Variants in TMEM37 observed in about 807,000 individuals in gnomAD.
The protein encoded by TMEM37 is transmembrane protein 37, also known as voltage-dependent calcium channel gamma-like subunit.
A neutral mutation model predicts 11.0 loss-of-function variants in TMEM37; 12 were observed. The observed-to-expected ratio is 1.09, with a 90% CI of 0.70 to 1.76. The LOEUF is 1.76. Ranked by LOEUF, TMEM37 falls within the 40% of genes most tolerant of loss-of-function variation. The pLI, the probability that TMEM37 is intolerant of heterozygous loss-of-function variation, is 0.00. For synonymous variants in TMEM37, 127 were observed against 110.5 expected, an observed-to-expected ratio of 1.15 and a Z score of -0.94; for missense variants, 203 against 251.2, an observed-to-expected ratio of 0.81 and a Z score of 1.30.
Position 119,437,216 on chromosome 2 carries a change from GACAA to G in TMEM37, c.353_356del (p.Lys118ThrfsTer28). ...CCTCATGGTGTCCCAGTTGTGCGAG[GACAA>G]ACACTCACAGTGCAAGTGGGTCATG... is the stretch of plus-strand genomic sequence containing the variant. On this transcript the variant is annotated frameshift_variant, in exon 2 of 2. Coordinates refer to ENST00000306406, the MANE Select transcript of TMEM37 (RefSeq NM_183240.3). LOFTEE classifies it high-confidence loss of function. 1 of 1,614,236 alleles carries G rather than the reference GACAA, an allele frequency of 6.2e-7. No individual in the cohort carries two copies.
At chr2:119,430,874 T>A (rs930643575), upstream of TMEM37, among the ~76,000 whole-genome samples, 2 of 152,206 alleles carry the variant, frequency 1.3e-5, no homozygotes, top group African/African-American at 4.8e-5. Context: ...CGGTGGCTCA[T>A]GCCTGTAATC....
chr2:119,430,984 CAA>C (rs1201773758), upstream of TMEM37, among the ~76,000 whole-genome samples: 2 of 152,092 alleles, frequency 1.3e-5, no homozygotes, highest in Non-Finnish European at 2.9e-5. Flanking sequence ...CTAAAAAATA[CAA>C]AAATTAGCAG....
At chr2:119,432,732 G>T (rs368134769) in intron 1 of TMEM37, among the ~76,000 whole-genome samples, 1 of 152,092 alleles carries the variant, frequency 6.6e-6, no homozygotes, top group Non-Finnish European at 1.5e-5. Context: ...GTGTACAAAC[G>T]CTCAGCCACA....
intron 1 of TMEM37, among the ~76,000 whole-genome samples, chr2:119,436,438 G>T (rs1211599944): frequency 6.6e-6 from 1 of 152,164 alleles, no homozygotes; most frequent in African/African-American, 2.4e-5. Context: ...GAGGGAAACA[G>T]AACTGTGTAT....
chr2:119,433,866 G>C (rs1682449692), intron 1 of TMEM37, among the ~76,000 whole-genome samples: 1 of 152,046 alleles, frequency 6.6e-6, no homozygotes, highest in Non-Finnish European at 1.5e-5. Flanking sequence ...GGAGATGCCG[G>C]GTGGTTAGGA....
rs1682426369 is a variant in TMEM37, at chr2:119,432,610, CAG to C, written c.21+687_21+688del. ...GGCCTGCTGCTCCCCAAAGGGAAGT[CAG>C]TGGGTGGCGGTACCGCTGCCCAGCG... is the stretch of plus-strand genomic sequence containing the variant. On this transcript the variant is annotated intron_variant, in intron 1 of 1. Transcript: ENST00000306406. Among the ~76,000 whole-genome samples, 3 of 152,322 alleles carry C rather than the reference CAG, an allele frequency of 2.0e-5. No individual in the cohort carries two copies. In the South Asian group the frequency reaches 6.2e-4, roughly 32 times the overall value.
Position 119,436,996 on chromosome 2 carries a change from C to T in TMEM37, c.129C>T (p.Val43=). 6.2e-7 allele frequency: 1 copy of T among 1,614,270 alleles called. No individual in the cohort carries two copies. The highest frequency in any genetic ancestry group is 1.6e-4 in the Middle Eastern group (1 of 6,062). Residue 43 remains valine (V), a synonymous_variant, in exon 2 of 2, where the codon GTC becomes GTT. Coordinates refer to ENST00000306406, the MANE Select transcript of TMEM37 (RefSeq NM_183240.3). The part of the protein sequence containing the change: ...CVALAVVLSS[V]SICDGHWLLA... The stretch of plus-strand genomic sequence containing the variant: ...CCCTGGCTGTGGTCCTGTCCTCGGT[C>T]TCCATTTGTGATGGGCACTGGCTCC...
Position 119,438,186 on chromosome 2 carries a change from C to G in TMEM37, c.*746C>G, listed in dbSNP as rs1164249331. 1.3e-5 allele frequency: 2 copies of G among 152,226 alleles called. No homozygotes were observed. Among genetic ancestry groups the G allele is most frequent in the Non-Finnish European group, 2.9e-5 (2 of 68,052 alleles). 9.4% of individuals were successfully genotyped at this position (152,226 alleles called of 1,614,324 possible). On this transcript the variant is annotated 3_prime_UTR_variant, in exon 2 of 2. Transcript: ENST00000306406. Reference sequence around the variant, plus strand: ...GGTGGGTTTCCTTCCGAGAAGAGTTCTTGAGCAAGCTCTCCCAGGAGGGCC... The same window carrying G: ...GGTGGGTTTCCTTCCGAGAAGAGTTGTTGAGCAAGCTCTCCCAGGAGGGCC...
upstream of TMEM37, chr2:119,430,321 C>T (rs1682369421): frequency 7.3e-6 from 4 of 547,864 alleles, no homozygotes; most frequent in South Asian, 1.5e-5. Flanking sequence ...GCAGTGGGGC[C>T]TCGCAATCTG....
At chr2:119,430,057 C>A, upstream of TMEM37, 1 of 1,252,468 alleles carries the variant, frequency 8.0e-7, no homozygotes, top group South Asian at 1.3e-5. Flanking sequence ...AAAGGATACC[C>A]CCGCAACAGG....
In TMEM37 at chr2:119,437,075, A is replaced by AGTGTGCCTGC. The variant is rs3217464; in HGVS notation, c.208_209insGTGTGCCTGC (p.Thr70SerfsTer209). On this transcript the variant is annotated frameshift_variant, in exon 2 of 2. Transcript: ENST00000306406. LOFTEE classifies it high-confidence loss of function. ...GCACTTCTGCACCACCACCAACCAG[A>AGTGTGCCTGC]CGATCTGCTTCAGAGACCTGGGCCA... The AGTGTGCCTGC allele has an allele frequency of 6.2e-7, 1 of 1,613,564 alleles. No individual in the cohort carries two copies. The highest frequency in any genetic ancestry group is 1.3e-5 in the African/African-American group (1 of 74,864).
At chr2:119,431,534 C>A (rs1558823474), upstream of TMEM37, among the ~76,000 whole-genome samples, 1 of 152,218 alleles carries the variant, frequency 6.6e-6, no homozygotes, top group Non-Finnish European at 1.5e-5. Context: ...AGGCCCTCGT[C>A]GCCGTCCCAG....
chr2:119,429,994 A>T, upstream of TMEM37: 1 of 1,549,324 alleles, frequency 6.5e-7, no homozygotes, highest in Non-Finnish European at 8.7e-7. Context: ...GTGAGATGCT[A>T]TGATCCAGAA....
chr2:119,430,812 C>T (rs1286531756), upstream of TMEM37, among the ~76,000 whole-genome samples: 3 of 152,170 alleles, frequency 2.0e-5, no homozygotes, highest in Middle Eastern at 6.8e-3. Context: ...CCCTTTTTGG[C>T]GGTAAAAGCT....
intron 1 of TMEM37, chr2:119,432,249 TG>T (rs1682416070): frequency 6.8e-6 from 2 of 292,200 alleles, no homozygotes; most frequent in Non-Finnish European, 1.3e-5. Flanking sequence ...AGTGACTTAC[TG>T]GTCAGTTTAC....
chr2:119,429,906 T>A, upstream of TMEM37: 1 of 1,549,862 alleles, frequency 6.5e-7, no homozygotes, highest in Non-Finnish European at 8.7e-7. Flanking sequence ...CACACGAAAC[T>A]GGAGAAGGCA....
rs78850238 is a variant in TMEM37 at position 119,435,927 on chromosome 2, C to T, written c.22-962C>T. On this transcript the variant is annotated intron_variant, in intron 1 of 1. Transcript: ENST00000306406. ...AGAAGAGCCACTACAGGCTTAAGGGCCAGTCATCTGAGGAAAGAAAGTTCT... is the reference window on the plus strand; with the variant it reads ...AGAAGAGCCACTACAGGCTTAAGGGTCAGTCATCTGAGGAAAGAAAGTTCT... Among the ~76,000 whole-genome samples the T allele has an allele frequency of 4.2e-3, 637 of 152,228 alleles. 6 individuals are homozygous for T. Among genetic ancestry groups the T allele is most frequent in the African/African-American group, 0.015 (610 of 41,528 alleles).
At chr2:119,433,360 A>G (rs1227038605) in intron 1 of TMEM37, among the ~76,000 whole-genome samples, 1 of 152,258 alleles carries the variant, frequency 6.6e-6, no homozygotes, top group Non-Finnish European at 1.5e-5. Flanking sequence ...TGCAGCTGAG[A>G]GGAGCAGAGG....
upstream of TMEM37, chr2:119,430,363 A>G (rs905939351): frequency 3.3e-5 from 16 of 489,376 alleles, no homozygotes; most frequent in Non-Finnish European, 5.8e-5. Context: ...ACTCTGGTGC[A>G]GAATGGTGGC....
Sources: allele counts gnomAD v4.1 joint callset (sites outside exome capture counted in the v4.1 genomes callset), GRCh38; gene constraint gnomAD v4.1.1; transcripts MANE v1.5; gene names NCBI Gene and HGNC (gene_info 2026-07-23, HGNC 2026-07-21).